Variants in SMAP1 observed in about 807,000 individuals in gnomAD.
The protein encoded by SMAP1 is stromal membrane-associated protein 1.
In SMAP1, 24 loss-of-function variants were observed where a neutral mutation model predicts 58.5. The ratio of observed to expected loss-of-function variants is 0.41; its 90% CI spans 0.30 to 0.58. The LOEUF is 0.58. SMAP1 is among the 20% of genes least tolerant of loss of function. SMAP1 has a pLI of 0.29. For missense variants in SMAP1, 563 were observed against 566.3 expected (o/e 0.99, Z 0.06); for synonymous variants, 216 against 196.6 (o/e 1.10, Z -0.82).
At chr6:70,781,334 G>A (rs1767755478) in intron 4 of SMAP1, among the ~76,000 whole-genome samples, 1 of 152,136 alleles carries the variant, frequency 6.6e-6, no homozygotes, top group African/African-American at 2.4e-5. Flanking sequence ...CTATGGATGA[G>A]TTTCATTGAT....
intron 5 of SMAP1, among the ~76,000 whole-genome samples, chr6:70,795,427 C>G (rs79260519): frequency 0.047 from 7,184 of 152,278 alleles, 245 homozygotes; most frequent in Middle Eastern, 0.089. Flanking sequence ...AAGATCAAGT[C>G]TCCAGCAGAT....
intron 6 of SMAP1, among the ~76,000 whole-genome samples, chr6:70,809,697 T>C (rs760887479): frequency 6.6e-6 from 1 of 152,194 alleles, no homozygotes; most frequent in Non-Finnish European, 1.5e-5. Context: ...AATAATACTT[T>C]TATAAAAATC....
rs2149982390 is a variant in SMAP1, at chr6:70,821,934, G to A, written c.577-15007G>A. 2.0e-5 allele frequency among the ~76,000 whole-genome samples: 3 copies of A among 152,214 alleles called. No homozygotes were observed. In the Middle Eastern group the frequency reaches 0.01, roughly 518 times the overall value. ...TTTTTCTTCATGGAATTTCTAAAAT[G>A]TTTTTGCAATCATTTGAAGCTTTAT... On this transcript the variant is annotated intron_variant, in intron 6 of 10. Coordinates refer to ENST00000370455, the MANE Select transcript of SMAP1 (RefSeq NM_001044305.3).
intron 6 of SMAP1, among the ~76,000 whole-genome samples, chr6:70,810,105 G>A (rs1769322988): frequency 6.6e-6 from 1 of 152,182 alleles, no homozygotes; most frequent in Non-Finnish European, 1.5e-5. Flanking sequence ...TTTGGTAAAT[G>A]TATAGGGTTT....
chr6:70,796,016 A>G (rs1034004404), intron 5 of SMAP1, among the ~76,000 whole-genome samples: 3 of 152,218 alleles, frequency 2.0e-5, no homozygotes, highest in Admixed American at 6.5e-5. Flanking sequence ...GGCATGAGCC[A>G]CCATGCCCGG....
At chr6:70,672,545 T>C (rs747375144) in intron 1 of SMAP1, among the ~76,000 whole-genome samples, 7 of 152,196 alleles carry the variant, frequency 4.6e-5, no homozygotes, top group Non-Finnish European at 8.8e-5. Context: ...ATTTAGGTAA[T>C]TATGGGGTAC....
At chr6:70,770,764 C>G (rs1020284296) in intron 3 of SMAP1, among the ~76,000 whole-genome samples, 3 of 152,228 alleles carry the variant, frequency 2.0e-5, no homozygotes. Context: ...AAGTCATTCT[C>G]TGTCCACCAT....
chr6:70,800,814 G>T (rs1308475137), intron 6 of SMAP1, among the ~76,000 whole-genome samples: 10 of 152,146 alleles, frequency 6.6e-5, no homozygotes, highest in Non-Finnish European at 1.5e-4. Context: ...ATGGTTTCCA[G>T]CTTCATCCAT....
chr6:70,720,879 T>G (rs1461842938), intron 1 of SMAP1, among the ~76,000 whole-genome samples: 1 of 152,002 alleles, frequency 6.6e-6, no homozygotes, highest in Non-Finnish European at 1.5e-5. Context: ...GCACCTGTGA[T>G]GGGAGGGGCT....
intron 8 of SMAP1, chr6:70,856,642 A>G: frequency 2.6e-6 from 1 of 390,164 alleles, no homozygotes; most frequent in Non-Finnish European, 4.5e-6. Flanking sequence ...GCTTCAGTCT[A>G]CCTACATTAA....
At position 70,677,180 on chromosome 6, in the gene SMAP1, A is replaced by ATT. The variant is rs78899089; in HGVS notation, c.118+9055_118+9056dup. On this transcript the variant is annotated intron_variant, in intron 1 of 10. Coordinates refer to ENST00000370455, the MANE Select transcript of SMAP1 (RefSeq NM_001044305.3). Reference sequence around the variant, plus strand: ...TGTTTTGTCTTCATATATATATATAATTTTTTTTTTTTTTTTTGCTATATC... The same window carrying ATT: ...TGTTTTGTCTTCATATATATATATAATTTTTTTTTTTTTTTTTTTGCTATATC... Among the ~76,000 whole-genome samples, 40 of 134,804 alleles carry ATT rather than the reference A, an allele frequency of 3.0e-4. 1 individual carries two copies. The highest frequency in any genetic ancestry group is 1.1e-3 in the African/African-American group (40 of 36,502). 88.4% of individuals were successfully genotyped at this position (134,804 alleles called of 152,430 possible). A position where few individuals can be genotyped will look rare whatever the true frequency, so the allele number is the denominator to read the frequency against.
At chr6:70,741,998 C>T (rs1765833093) in intron 2 of SMAP1, among the ~76,000 whole-genome samples, 1 of 152,218 alleles carries the variant, frequency 6.6e-6, no homozygotes, top group South Asian at 2.1e-4. Flanking sequence ...AGTCCCTAGG[C>T]TGCACACAGC....
rs552433823 is a variant in SMAP1 at position 70,721,178 on chromosome 6, T to G, written c.119-11200T>G. 5.3e-5 allele frequency among the ~76,000 whole-genome samples: 8 copies of G among 152,316 alleles called. No individual in the cohort carries two copies. The East Asian group carries it at 1.3e-3, about 26-fold the overall frequency. ...TCAGGCTGCAAAGTTTTTTCCAAAC[T>G]TTTATGCTCTGCTTCCCTTATAAAA... On this transcript the variant is annotated intron_variant, in intron 1 of 10. Transcript: ENST00000370455.
At chr6:70,757,819 G>A (rs2149892892) in intron 3 of SMAP1, among the ~76,000 whole-genome samples, 1 of 152,292 alleles carries the variant, frequency 6.6e-6, no homozygotes, top group East Asian at 1.9e-4. Context: ...ACCACAATGA[G>A]ATACCATCTC....
chr6:70,727,564 G>A (rs536572404), intron 1 of SMAP1, among the ~76,000 whole-genome samples: 1 of 152,292 alleles, frequency 6.6e-6, no homozygotes, highest in South Asian at 2.1e-4. Flanking sequence ...TTGAAGGCAG[G>A]ATTTGTGTTT....
In SMAP1 at chr6:70,742,927, G is replaced by A. The variant is rs146200158; in HGVS notation, c.252+10416G>A. ...TCTTGTGAGACATATTTATGACCAC[G>A]AGAACAGTAAGGGGAAAACCGCCCC... On this transcript the variant is annotated intron_variant, in intron 2 of 10. Transcript: ENST00000370455. 3.2e-3 allele frequency among the ~76,000 whole-genome samples: 485 copies of A among 152,246 alleles called. 11 individuals carry two copies. Among genetic ancestry groups the A allele is most frequent in the Admixed American group, 0.029 (441 of 15,290 alleles).
chr6:70,668,404 C>CT (rs1562080981), intron 1 of SMAP1: 14 of 1,021,168 alleles, frequency 1.4e-5, no homozygotes, highest in African/African-American at 3.4e-5. Flanking sequence ...GAGCAGGTGC[C>CT]AGGGTAGCGA....
At chr6:70,765,716 ACTTTT>A (rs990559287) in intron 3 of SMAP1, among the ~76,000 whole-genome samples, 44 of 151,540 alleles carry the variant, frequency 2.9e-4, no homozygotes, top group African/African-American at 9.4e-4. Flanking sequence ...ATTTGTATTC[ACTTTT>A]CTTTTTTTAT....
intron 4 of SMAP1, among the ~76,000 whole-genome samples, chr6:70,778,491 T>C (rs750033209): frequency 3.3e-5 from 5 of 152,276 alleles, no homozygotes; most frequent in Non-Finnish European, 7.3e-5. Context: ...TTTCATTCTG[T>C]TGATGTGATG....
Sources: gnomAD v4.1 joint callset for allele counts (sites outside exome capture counted in the v4.1 genomes callset) on GRCh38, gnomAD v4.1.1 for gene constraint, MANE v1.5 for transcripts, NCBI Gene and HGNC (gene_info 2026-07-23, HGNC 2026-07-21) for gene names.